The following FAM168A variants were observed in gnomAD, a reference collection of about 807,000 sequenced individuals.
The protein encoded by FAM168A is family with sequence similarity 168 member A, also known as protein FAM168A.
Under a neutral mutation model 28.5 loss-of-function variants are expected in FAM168A, and 3 were observed. The ratio of observed to expected loss-of-function variants is 0.11; its 90% confidence interval spans 0.05 to 0.27. FAM168A has a LOEUF of 0.27. FAM168A is among the 10% of genes least tolerant of loss of function. The probability of loss-of-function intolerance (pLI) is 1.00; values close to 1 mark genes in which losing one functional copy is unlikely to be tolerated. For synonymous variants in FAM168A, 122 were observed against 124.2 expected, an observed-to-expected ratio of 0.98 and a Z score of 0.12; for missense variants, 222 against 311.5, an observed-to-expected ratio of 0.71 and a Z score of 2.16.
At chr11:73,565,448 G>C (rs1383024175) in intron 1 of FAM168A, among the ~76,000 whole-genome samples, 1 of 152,074 alleles carries the variant, frequency 6.6e-6, no homozygotes, top group Non-Finnish European at 1.5e-5. Flanking sequence ...GGTTTGCATC[G>C]GTAGGTAGGG....
At chr11:73,534,938 G>A (rs1278683919) in intron 1 of FAM168A, among the ~76,000 whole-genome samples, 1 of 152,136 alleles carries the variant, frequency 6.6e-6, no homozygotes, top group Non-Finnish European at 1.5e-5. Context: ...AATGAATATT[G>A]AGGATCCCCC....
intron 1 of FAM168A, among the ~76,000 whole-genome samples, chr11:73,534,404 TTTA>T (rs1454348548): frequency 2.0e-5 from 3 of 149,514 alleles, no homozygotes; most frequent in Non-Finnish European, 3.0e-5. Context: ...TTTTTATTTA[TTTA>T]TTTTTTTTTT....
chr11:73,569,475 G>A (rs1474313806), intron 1 of FAM168A, among the ~76,000 whole-genome samples: 1 of 152,220 alleles, frequency 6.6e-6, no homozygotes, highest in Non-Finnish European at 1.5e-5. Context: ...CCTTCAGTTA[G>A]TATAAATGAA....
chr11:73,572,456 T>C (rs1308337844), intron 1 of FAM168A, among the ~76,000 whole-genome samples: 17 of 151,974 alleles, frequency 1.1e-4, no homozygotes, highest in African/African-American at 2.9e-4. Context: ...GGGGAAAAGA[T>C]TGAGAAATCG....
intron 1 of FAM168A, among the ~76,000 whole-genome samples, chr11:73,479,603 T>C (rs1170980000): frequency 2.0e-5 from 3 of 152,208 alleles, no homozygotes; most frequent in Non-Finnish European, 4.4e-5. Flanking sequence ...TTAGAAAAGA[T>C]CTCAGAAAGC....
intron 1 of FAM168A, among the ~76,000 whole-genome samples, chr11:73,571,918 G>A (rs1480461192): frequency 2.6e-5 from 4 of 151,328 alleles, no homozygotes; most frequent in African/African-American, 9.7e-5. Context: ...CGTCTGGGAT[G>A]TGAGGAGCGC....
chr11:73,517,504 T>C (rs1317715058), intron 1 of FAM168A, among the ~76,000 whole-genome samples: 1 of 152,130 alleles, frequency 6.6e-6, no homozygotes, highest in African/African-American at 2.4e-5. Flanking sequence ...AAAAAGATTC[T>C]ATATTATTAA....
chr11:73,407,903 G>A (rs1434542197), intron 6 of FAM168A, among the ~76,000 whole-genome samples: 1 of 152,148 alleles, frequency 6.6e-6, no homozygotes, highest in Non-Finnish European at 1.5e-5. Context: ...ACGGAGTCTC[G>A]CTCTGTCGCC....
intron 2 of FAM168A, among the ~76,000 whole-genome samples, chr11:73,446,385 AG>A (rs1867315233): frequency 6.6e-6 from 1 of 152,250 alleles, no homozygotes; most frequent in Non-Finnish European, 1.5e-5. Context: ...AATATAAAAT[AG>A]GAAGACCACT....
At chr11:73,468,346 A>T in intron 2 of FAM168A, 59 bp downstream of exon 2, 1 of 1,516,986 alleles carries the variant, frequency 6.6e-7, no homozygotes, top group South Asian at 1.1e-5. Flanking sequence ...GGAGCAAGTT[A>T]TTTGGTAATA....
At chr11:73,437,251 C>A (rs1008311758) in intron 2 of FAM168A, among the ~76,000 whole-genome samples, 1 of 151,902 alleles carries the variant, frequency 6.6e-6, no homozygotes, top group African/African-American at 2.4e-5. Flanking sequence ...GCACATGCCA[C>A]CCCACCTGGC....
At chr11:73,420,143 G>T in intron 3 of FAM168A, 144 bp from the exon 4 acceptor site, 1 of 871,036 alleles carries the variant, frequency 1.1e-6, no homozygotes, top group Non-Finnish European at 1.7e-6. Context: ...CAGCCTTTCT[G>T]AGATGGTTGA....
intron 2 of FAM168A, among the ~76,000 whole-genome samples, chr11:73,436,933 G>A (rs535890974): frequency 2.9e-4 from 44 of 152,252 alleles, no homozygotes; most frequent in African/African-American, 1.1e-3. Context: ...AACAACTACT[G>A]TTTCCACTCA....
Position 73,457,723 on chromosome 11 carries a change from CAAAAAAAAAAA to C in FAM168A, c.70+10671_70+10681del, listed in dbSNP as rs58142151. Among the ~76,000 whole-genome samples the C allele has an allele frequency of 6.4e-4, 24 of 37,542 alleles. No homozygotes were observed. The South Asian group carries it at 0.016, about 26-fold the overall frequency. The allele number at this position is 37,542 out of a possible 152,430, so 24.6% of individuals were successfully genotyped here. A position where few individuals can be genotyped will look rare whatever the true frequency, so the allele number is the denominator to read the frequency against. On this transcript the variant is annotated intron_variant, in intron 2 of 7. Transcript: ENST00000356467. The stretch of plus-strand genomic sequence containing the variant: ...TGCTACGGTACTCTAGCCTGGGTGA[CAAAAAAAAAAA>C]AAAAAAAAAAAAAAAAGAAAAGAAA...
intron 1 of FAM168A, among the ~76,000 whole-genome samples, chr11:73,562,265 T>C (rs1287426114): frequency 6.6e-6 from 1 of 152,234 alleles, no homozygotes; most frequent in Non-Finnish European, 1.5e-5. Context: ...TACAGCTGTA[T>C]GACCTCTCTT....
At position 73,402,640 on chromosome 11, in the gene FAM168A, G is replaced by A. The variant is rs1866433177; in HGVS notation, c.*4123C>T. On this transcript the variant is annotated 3_prime_UTR_variant, in exon 8 of 8. Transcript: ENST00000356467. ...TACCAACTCACTGGATCTGGACAGT[G>A]GGCAGGCTCTCAGGGATTAGGAAGC... 6.6e-6 allele frequency: 1 copy of A among 152,248 alleles called. No homozygotes were observed. Among genetic ancestry groups the A allele is most frequent in the South Asian group, 2.1e-4 (1 of 4,824 alleles). The allele number at this position is 152,248 out of a possible 1,614,324, so 9.4% of individuals were successfully genotyped here. A position where few individuals can be genotyped will look rare whatever the true frequency, so the allele number is the denominator to read the frequency against.
intron 4 of FAM168A, among the ~76,000 whole-genome samples, chr11:73,414,178 CAATT>C (rs1866662447): frequency 6.6e-6 from 1 of 152,174 alleles, no homozygotes; most frequent in African/African-American, 2.4e-5. Context: ...ACATTTAAAA[CAATT>C]AAATTTCAGC....
chr11:73,482,333 C>A (rs1417108918), intron 1 of FAM168A, among the ~76,000 whole-genome samples: 2 of 151,676 alleles, frequency 1.3e-5, no homozygotes, highest in East Asian at 3.9e-4. Flanking sequence ...AGGCTTTCTA[C>A]CATAAATCAT....
chr11:73,446,395 C>T (rs1026582073), intron 2 of FAM168A, among the ~76,000 whole-genome samples: 1 of 152,200 alleles, frequency 6.6e-6, no homozygotes, highest in Non-Finnish European at 1.5e-5. Context: ...AGGAAGACCA[C>T]TGTCCCACAA....
Sources: allele counts gnomAD v4.1 joint callset (sites outside exome capture counted in the v4.1 genomes callset), GRCh38; gene constraint gnomAD v4.1.1; transcripts MANE v1.5; gene names NCBI Gene and HGNC (gene_info 2026-07-23, HGNC 2026-07-21).